Variants in NCOA7 observed in about 807,000 individuals in gnomAD.
The protein encoded by NCOA7 is 140 kDa estrogen receptor-associated protein.
A neutral mutation model predicts 104.3 loss-of-function variants in NCOA7; 45 were observed. The ratio of observed to expected loss-of-function variants is 0.43; its 90% CI spans 0.34 to 0.55. The LOEUF (loss-of-function observed/expected upper bound fraction) is 0.55. Ranked by LOEUF, NCOA7 falls within the 20% of genes least tolerant of loss-of-function variation. The pLI is 0.02. For missense variants in NCOA7, 1,041 were observed against 1,119.7 expected (o/e 0.93, Z 1.00); for synonymous variants, 398 against 402.3 (o/e 0.99, Z 0.13).
chr6:125,850,130 A>G (rs1292351817), intron 2 of NCOA7, among the ~76,000 whole-genome samples: 4 of 152,210 alleles, frequency 2.6e-5, no homozygotes, highest in South Asian at 4.1e-4. Context: ...AGCATTAACT[A>G]TACCAAATTT....
At chr6:125,838,231 G>A (rs149736285) in intron 2 of NCOA7, among the ~76,000 whole-genome samples, 81 of 152,206 alleles carry the variant, frequency 5.3e-4, no homozygotes, top group African/African-American at 1.8e-3. Flanking sequence ...TTGAGGTCAC[G>A]GAAAGAATGG....
chr6:125,928,590 A>G (rs1283930351), intron 15 of NCOA7, 46 bp from the exon 16 acceptor site: 2 of 1,570,752 alleles, frequency 1.3e-6, no homozygotes, highest in Non-Finnish European at 8.6e-7. Context: ...TGTGTCATGT[A>G]ACATAGAAGT....
At chr6:125,858,622 T>A (rs1485797493) in intron 3 of NCOA7, among the ~76,000 whole-genome samples, 3 of 149,780 alleles carry the variant, frequency 2.0e-5, no homozygotes, top group Non-Finnish European at 4.4e-5. Flanking sequence ...CGAGACACTG[T>A]CTCTGAAAAA....
At chr6:125,786,253 AAAG>A (rs1774459286), upstream of NCOA7, 2 of 152,282 alleles carry the variant, frequency 1.3e-5, no homozygotes, top group South Asian at 4.1e-4. Context: ...TGCGCTAGAG[AAAG>A]AAGGATAGGT....
chr6:125,916,130 G>A (rs942567444), intron 11 of NCOA7, among the ~76,000 whole-genome samples: 1 of 152,106 alleles, frequency 6.6e-6, no homozygotes, highest in Non-Finnish European at 1.5e-5. Flanking sequence ...CAGTTTCCCC[G>A]TGCTGTTCTC....
intron 1 of NCOA7, among the ~76,000 whole-genome samples, chr6:125,809,425 C>A (rs1776759886): frequency 6.6e-6 from 1 of 152,160 alleles, no homozygotes; most frequent in South Asian, 2.1e-4. Context: ...TCAAGCCTTC[C>A]ACCTGCTTCA....
intron 2 of NCOA7, among the ~76,000 whole-genome samples, chr6:125,835,798 G>A (rs931988308): frequency 2.6e-5 from 4 of 152,142 alleles, no homozygotes; most frequent in African/African-American, 9.7e-5. Flanking sequence ...ACAGAATAAG[G>A]AATAGATTGT....
chr6:125,893,803 A>G (rs1356364555), intron 10 of NCOA7, among the ~76,000 whole-genome samples: 1 of 152,202 alleles, frequency 6.6e-6, no homozygotes, highest in Non-Finnish European at 1.5e-5. Context: ...TGTCAGATCT[A>G]AGACCTCCAT....
At chr6:125,811,722 G>A (rs1296349029) in intron 1 of NCOA7, among the ~76,000 whole-genome samples, 1 of 152,118 alleles carries the variant, frequency 6.6e-6, no homozygotes, top group East Asian at 1.9e-4. Context: ...CCTTGCACTC[G>A]AATTCTTGAA....
chr6:125,816,208 A>G (rs1226181006), intron 2 of NCOA7, among the ~76,000 whole-genome samples: 2 of 152,158 alleles, frequency 1.3e-5, no homozygotes, highest in Non-Finnish European at 2.9e-5. Flanking sequence ...AGCCAAAACC[A>G]AAGTTTGTTG....
In NCOA7 at chr6:125,882,411, T is replaced by C. The variant is rs1318422294; in HGVS notation, c.574-15T>C. Reference sequence around the variant, plus strand: ...AGTGCTTTTATTTGATTTTGAAATTTTTTGCTTTCACAAGGATGCTGACTT... The same window carrying C: ...AGTGCTTTTATTTGATTTTGAAATTCTTTGCTTTCACAAGGATGCTGACTT... On this transcript the variant is annotated splice_polypyrimidine_tract_variant and intron_variant, in intron 6 of 15. Transcript: ENST00000392477. 6.2e-7 allele frequency: 1 copy of C among 1,608,842 alleles called. No homozygotes were observed. The highest frequency in any genetic ancestry group is 1.7e-5 in the Admixed American group (1 of 58,296).
intron 10 of NCOA7, among the ~76,000 whole-genome samples, chr6:125,903,306 T>G (rs1261665420): frequency 1.3e-5 from 2 of 152,198 alleles, no homozygotes; most frequent in South Asian, 4.1e-4. Flanking sequence ...CCATGCCCTC[T>G]GCCACACCTG....
At chr6:125,781,288 G>GT (rs1420664078) in exon 1 of NCOA7, 1 of 152,198 alleles carries the variant, frequency 6.6e-6, no homozygotes, top group Admixed American at 6.5e-5. Context: ...GGAAGCTTAA[G>GT]TAAGACATAA....
intron 4 of NCOA7, among the ~76,000 whole-genome samples, chr6:125,876,071 A>G (rs1783346638): frequency 6.6e-6 from 1 of 152,248 alleles, no homozygotes; most frequent in African/African-American, 2.4e-5. Context: ...TTCTAAGAAG[A>G]AATTAAGTAC....
intron 2 of NCOA7, among the ~76,000 whole-genome samples, chr6:125,838,596 C>A (rs185484465): frequency 1.2e-4 from 18 of 152,242 alleles, no homozygotes; most frequent in Admixed American, 1.2e-3. Flanking sequence ...ATTTCCTTCA[C>A]TAGAGGTGTT....
chr6:125,922,375 G>A (rs1187580136), intron 12 of NCOA7, among the ~76,000 whole-genome samples: 1 of 152,160 alleles, frequency 6.6e-6, no homozygotes, highest in African/African-American at 2.4e-5. Context: ...TGGAAAGGAA[G>A]GGCATGTGTC....
chr6:125,914,254 A>G (rs988255792), intron 10 of NCOA7, among the ~76,000 whole-genome samples: 1 of 152,264 alleles, frequency 6.6e-6, no homozygotes, highest in Non-Finnish European at 1.5e-5. Flanking sequence ...TATTAACTTC[A>G]TGAAATGTAG....
intron 1 of NCOA7, among the ~76,000 whole-genome samples, chr6:125,813,321 G>T (rs551152699): frequency 1.3e-5 from 2 of 152,102 alleles, no homozygotes; most frequent in African/African-American, 4.8e-5. Context: ...AAGGCTTTCC[G>T]TGACCCAGAT....
intron 2 of NCOA7, among the ~76,000 whole-genome samples, chr6:125,817,155 T>G (rs1183661268): frequency 6.6e-6 from 1 of 152,222 alleles, no homozygotes; most frequent in East Asian, 1.9e-4. Context: ...TTTAGTCATT[T>G]ACCCATTGAA....
Sources: gnomAD v4.1 joint callset for allele counts (sites outside exome capture counted in the v4.1 genomes callset) on GRCh38, gnomAD v4.1.1 for gene constraint, MANE v1.5 for transcripts, NCBI Gene and HGNC (gene_info 2026-07-23, HGNC 2026-07-21) for gene names.